Variants in SHC3 observed in about 807,000 individuals in gnomAD.
SHC3 encodes SHC-transforming protein 3.
A neutral mutation model predicts 60.4 loss-of-function variants in SHC3; 15 were observed. The ratio of observed to expected loss-of-function variants is 0.25; its 90% CI spans 0.17 to 0.38. SHC3 has a LOEUF of 0.38. Ranked by LOEUF, SHC3 falls within the 10% of genes least tolerant of loss-of-function variation. The pLI is 1.00. For missense variants in SHC3, 677 were observed against 786.1 expected (o/e 0.86, Z 1.66); for synonymous variants, 294 against 325.9 (o/e 0.90, Z 1.05).
chr9:89,166,032 C>CCAG (rs1256932108), intron 1 of SHC3, among the ~76,000 whole-genome samples: 5 of 152,166 alleles, frequency 3.3e-5, no homozygotes, highest in Non-Finnish European at 7.3e-5. Context: ...AGCTGTAGGT[C>CCAG]TGACCTCACA....
intron 1 of SHC3, among the ~76,000 whole-genome samples, chr9:89,175,700 C>CT (rs1349363803): frequency 3.3e-5 from 5 of 152,124 alleles, no homozygotes; most frequent in African/African-American, 1.2e-4. Flanking sequence ...TTCCCAAACC[C>CT]TAAACCTTTA....
chr9:89,157,819 G>C (rs1366000991), intron 1 of SHC3, among the ~76,000 whole-genome samples: 1 of 151,968 alleles, frequency 6.6e-6, no homozygotes, highest in Non-Finnish European at 1.5e-5. Flanking sequence ...ATAGGATCTG[G>C]CTATGTTGCC....
At chr9:89,163,362 A>T (rs2118248357) in intron 1 of SHC3, among the ~76,000 whole-genome samples, 1 of 152,276 alleles carries the variant, frequency 6.6e-6, no homozygotes, top group South Asian at 2.1e-4. Context: ...CAACAATGAT[A>T]GACTGGATTA....
In SHC3 at chr9:89,172,590, C is replaced by G. The variant is rs531861702; in HGVS notation, c.474+5397G>C. 1.1e-4 allele frequency among the ~76,000 whole-genome samples: 17 copies of G among 151,846 alleles called. 1 individual carries two copies. In the South Asian group the frequency reaches 3.5e-3, roughly 32 times the overall value. ...ACACACACACAGACACACACACACA[C>G]AGACACACACACACACGATGGTCAA... On this transcript the variant is annotated intron_variant, in intron 1 of 11. Coordinates refer to ENST00000375835, the MANE Select transcript of SHC3 (RefSeq NM_016848.6).
chr9:89,142,000 T>C (rs1286418261), intron 1 of SHC3, among the ~76,000 whole-genome samples: 5 of 152,104 alleles, frequency 3.3e-5, no homozygotes, highest in Non-Finnish European at 7.4e-5. Flanking sequence ...AGCTCTCATG[T>C]TTCCCCTTTA....
intron 2 of SHC3, among the ~76,000 whole-genome samples, chr9:89,084,740 C>T (rs1825501167): frequency 6.6e-6 from 1 of 152,222 alleles, no homozygotes; most frequent in Admixed American, 6.5e-5. Context: ...GAGAAATCCA[C>T]ACTCCTCAGT....
intron 1 of SHC3, among the ~76,000 whole-genome samples, chr9:89,153,427 C>T (rs1235062626): frequency 6.6e-6 from 1 of 152,194 alleles, no homozygotes; most frequent in East Asian, 1.9e-4. Flanking sequence ...ATCCATGCTG[C>T]TCTCACTCAC....
At chr9:89,153,799 C>T (rs1167142961) in intron 1 of SHC3, among the ~76,000 whole-genome samples, 2 of 152,188 alleles carry the variant, frequency 1.3e-5, no homozygotes, top group Non-Finnish European at 2.9e-5. Context: ...TGACTAAAGG[C>T]GAGGTTGGCC....
At chr9:89,131,197 G>A (rs1826239583) in intron 1 of SHC3, among the ~76,000 whole-genome samples, 1 of 152,064 alleles carries the variant, frequency 6.6e-6, no homozygotes, top group Non-Finnish European at 1.5e-5. Flanking sequence ...ACCCTCCCAA[G>A]ACTAAACAAG....
intron 5 of SHC3, among the ~76,000 whole-genome samples, chr9:89,070,853 T>TA (rs1304935471): frequency 1.3e-5 from 2 of 151,802 alleles, no homozygotes; most frequent in African/African-American, 2.4e-5. Context: ...GGAGGTCCAA[T>TA]AAAAAAACAA....
chr9:89,041,926 C>T, intron 10 of SHC3, 100 bp downstream of exon 10: 1 of 1,463,886 alleles, frequency 6.8e-7, no homozygotes, highest in Non-Finnish European at 9.3e-7. Context: ...AACCAAAACC[C>T]TACTATCAGA....
In SHC3 at chr9:89,178,525, G is replaced by T. The variant is rs909142198; in HGVS notation, c.-65C>A. On this transcript the variant is annotated 5_prime_UTR_variant, in exon 1 of 12. Transcript: ENST00000375835. The surrounding 1 kb of genome is among the most constrained non-coding windows in gnomAD (Gnocchi z 6.9). Reference sequence around the variant, plus strand: ...GGTGCCGGCCCCGGCGCGGGCTGCCGCGCATAGCAGGCGAGCCACTGTCCC... The same window carrying T: ...GGTGCCGGCCCCGGCGCGGGCTGCCTCGCATAGCAGGCGAGCCACTGTCCC... 7.3e-6 allele frequency: 10 copies of T among 1,366,710 alleles called. No homozygotes were observed. The African/African-American group carries it at 1.4e-4, about 19-fold the overall frequency. 84.7% of individuals were successfully genotyped at this position (1,366,710 alleles called of 1,614,324 possible).
intron 1 of SHC3, among the ~76,000 whole-genome samples, chr9:89,166,793 G>A (rs554096529): frequency 1.3e-5 from 2 of 152,290 alleles, no homozygotes; most frequent in Non-Finnish European, 2.9e-5. Context: ...GGCTGATTTA[G>A]CGGGGAACAG....
intron 11 of SHC3, among the ~76,000 whole-genome samples, chr9:89,025,325 C>T (rs976410495): frequency 1.3e-5 from 2 of 152,124 alleles, no homozygotes; most frequent in African/African-American, 4.8e-5. Flanking sequence ...AGGCTCATGC[C>T]TGGATCCAGC....
intron 7 of SHC3, 95 bp from the exon 8 acceptor site, chr9:89,047,089 G>A: frequency 7.4e-7 from 1 of 1,355,906 alleles, no homozygotes; most frequent in Non-Finnish European, 9.7e-7. Flanking sequence ...TAAGAAAAGA[G>A]AGTTTAGTCA....
intron 1 of SHC3, among the ~76,000 whole-genome samples, chr9:89,142,509 C>G (rs941915706): frequency 1.6e-4 from 25 of 151,768 alleles, no homozygotes; most frequent in Admixed American, 1.3e-4. Flanking sequence ...ATGGTGAAAT[C>G]CCATCTCTAT....
intron 1 of SHC3, among the ~76,000 whole-genome samples, chr9:89,121,314 G>C (rs1396172806): frequency 6.6e-6 from 1 of 151,732 alleles, no homozygotes; most frequent in Non-Finnish European, 1.5e-5. Flanking sequence ...TCTTGAGATG[G>C]AGTTTCGCTC....
chr9:89,053,035 G>A (rs1022575404), intron 6 of SHC3, among the ~76,000 whole-genome samples: 2 of 152,122 alleles, frequency 1.3e-5, no homozygotes, highest in Non-Finnish European at 2.9e-5. Flanking sequence ...TTTTCTCCAG[G>A]GTACTGGAAA....
intron 1 of SHC3, among the ~76,000 whole-genome samples, chr9:89,115,340 A>G (rs1428936980): frequency 1.3e-5 from 2 of 152,184 alleles, no homozygotes; most frequent in African/African-American, 4.8e-5. Context: ...GAGCTACATG[A>G]ATACCACCAA....
Sources: allele counts gnomAD v4.1 joint callset (sites outside exome capture counted in the v4.1 genomes callset), GRCh38; gene constraint gnomAD v4.1.1; non-coding constraint Gnocchi (gnomAD v3.1); transcripts MANE v1.5; gene names NCBI Gene and HGNC (gene_info 2026-07-23, HGNC 2026-07-21).